SLC25A48: variants seen among roughly 807,000 people sequenced by gnomAD.
SLC25A48 encodes the protein solute carrier family 25 member 48.
Under a neutral mutation model 32.2 loss-of-function variants are expected in SLC25A48, and 29 were observed. The ratio of observed to expected loss-of-function variants is 0.90; its 90% CI spans 0.67 to 1.23. The LOEUF (loss-of-function observed/expected upper bound fraction) is 1.23, where lower values mean the gene tolerates loss of function less well. Ranked by LOEUF, SLC25A48 falls within the 50% of genes most tolerant of loss-of-function variation. The pLI, the probability that SLC25A48 is intolerant of heterozygous loss-of-function variation, is 0.00. For missense variants in SLC25A48, 399 were observed against 422.7 expected (o/e 0.94, Z 0.49); for synonymous variants, 164 against 172.3 (o/e 0.95, Z 0.38).
intron 3 of SLC25A48, among the ~76,000 whole-genome samples, chr5:135,709,250 C>T (rs1183062278): frequency 6.6e-6 from 1 of 152,222 alleles, no homozygotes; most frequent in Admixed American, 6.5e-5. Context: ...ACTGGCCTGC[C>T]TCTGGGAAGG....
intron 3 of SLC25A48, among the ~76,000 whole-genome samples, 158 bp downstream of exon 3, chr5:135,850,654 ATAT>A (rs2126731920): frequency 6.6e-6 from 1 of 152,268 alleles, no homozygotes; most frequent in East Asian, 1.9e-4. Context: ...CACACCTCAA[ATAT>A]TATGTGTTAC....
intron 1 of SLC25A48, among the ~76,000 whole-genome samples, chr5:135,619,014 C>A (rs116229772): frequency 0.017 from 2,580 of 151,888 alleles, 73 homozygotes; most frequent in African/African-American, 0.059. Context: ...ATCTGAACTT[C>A]CTGTATCTGG....
rs114362426 is a variant in SLC25A48 at position 135,628,502 on chromosome 5, G to T, written c.-848-735G>T. On this transcript the variant is annotated intron_variant, in intron 1 of 10. Coordinates refer to the SLC25A48 transcript ENST00000646290. ...GTTGGAGGAGAGAAGAACAGAAGAC[G>T]GGTGACATCAAGTTTGGGTTCCAGA... Among the ~76,000 whole-genome samples, 1,153 of 152,226 alleles carry T rather than the reference G, an allele frequency of 7.6e-3. 6 individuals are homozygous for T. The highest frequency in any genetic ancestry group is 0.011 in the Non-Finnish European group (767 of 68,008).
chr5:135,610,730 T>A (rs1752044749), intron 1 of SLC25A48, among the ~76,000 whole-genome samples: 1 of 152,194 alleles, frequency 6.6e-6, no homozygotes, highest in Non-Finnish European at 1.5e-5. Flanking sequence ...TGGAATCCTC[T>A]CCTCTCCAGA....
intron 2 of SLC25A48, among the ~76,000 whole-genome samples, chr5:135,848,015 G>T (rs1321323648): frequency 6.6e-6 from 1 of 152,162 alleles, no homozygotes; most frequent in African/African-American, 2.4e-5. Flanking sequence ...TTTATATGAT[G>T]GTCAGTATGC....
chr5:135,871,156 G>C (rs17688323), intron 4 of SLC25A48, among the ~76,000 whole-genome samples: 9,861 of 151,620 alleles, frequency 0.065, 414 homozygotes, highest in South Asian at 0.11. Context: ...AGTGTGGCTT[G>C]TCATAATTGA....
chr5:135,850,949 T>C (rs1411988006), intron 3 of SLC25A48, among the ~76,000 whole-genome samples: 1 of 152,184 alleles, frequency 6.6e-6, no homozygotes, highest in Admixed American at 6.5e-5. Context: ...AGGTATTCCT[T>C]TTCCGAAGGG....
In SLC25A48 at chr5:135,835,134, C is replaced by T. The variant is rs764365671; in HGVS notation, c.46+241C>T. On this transcript the variant is annotated intron_variant, in intron 1 of 7. Coordinates refer to ENST00000681962, the MANE Select transcript of SLC25A48 (RefSeq NM_001349336.2). ...TCTGATTTGCTCATTAAGTTAGGAT[C>T]CGTGGGACTTGATGAGGTAATGATT... is the stretch of plus-strand genomic sequence containing the variant. 19 of 697,644 alleles carry T rather than the reference C, an allele frequency of 2.7e-5. No individual in the cohort carries two copies. The African/African-American group carries it at 3.2e-4, about 12-fold the overall frequency. The allele number at this position is 697,644 out of a possible 1,614,324, so 43.2% of individuals were successfully genotyped here.
intron 3 of SLC25A48, among the ~76,000 whole-genome samples, chr5:135,793,491 C>G (rs981540505): frequency 1.3e-5 from 2 of 151,784 alleles, no homozygotes; most frequent in Non-Finnish European, 2.9e-5. Flanking sequence ...GTCCTAATAT[C>G]GCAGTAGGTG....
At chr5:135,701,444 A>T (rs2126966569) in intron 3 of SLC25A48, among the ~76,000 whole-genome samples, 1 of 152,234 alleles carries the variant, frequency 6.6e-6, no homozygotes, top group African/African-American at 2.4e-5. Flanking sequence ...ACATATTGGG[A>T]GCAGTATTTT....
chr5:135,611,580 C>G (rs959375284), intron 1 of SLC25A48, among the ~76,000 whole-genome samples: 2 of 142,670 alleles, frequency 1.4e-5, no homozygotes, highest in African/African-American at 5.3e-5. Flanking sequence ...GGTATGGTGG[C>G]ATGCACCAAT....
intron 6 of SLC25A48, among the ~76,000 whole-genome samples, chr5:135,879,764 G>A (rs1265039316): frequency 2.0e-5 from 3 of 152,162 alleles, no homozygotes; most frequent in Non-Finnish European, 4.4e-5. Flanking sequence ...GGTCTGGGAG[G>A]AAAAGCACCA....
intron 3 of SLC25A48, among the ~76,000 whole-genome samples, chr5:135,764,026 C>T (rs1431428224): frequency 1.3e-5 from 2 of 152,116 alleles, no homozygotes; most frequent in Non-Finnish European, 2.9e-5. Flanking sequence ...GATATTACTC[C>T]CCATATTTCG....
chr5:135,724,294 G>A (rs1354170081), intron 3 of SLC25A48, among the ~76,000 whole-genome samples: 2 of 152,232 alleles, frequency 1.3e-5, no homozygotes, highest in African/African-American at 2.4e-5. Flanking sequence ...AGGAAACTGA[G>A]GCTCAAGATG....
chr5:135,641,105 G>A (rs2126916629), intron 3 of SLC25A48, among the ~76,000 whole-genome samples: 1 of 152,234 alleles, frequency 6.6e-6, no homozygotes, highest in Admixed American at 6.5e-5. Flanking sequence ...AGAATCTACA[G>A]AAAAAAATAC....
intron 3 of SLC25A48, among the ~76,000 whole-genome samples, chr5:135,701,611 G>A (rs1754398156): frequency 6.6e-6 from 1 of 152,102 alleles, no homozygotes; most frequent in Admixed American, 6.5e-5. Flanking sequence ...ACTTTTAAAA[G>A]AGACAGGCCC....
intron 1 of SLC25A48, among the ~76,000 whole-genome samples, chr5:135,598,781 AT>A (rs35587086): frequency 0.4 from 61,316 of 152,012 alleles, 13,008 homozygotes; most frequent in African/African-American, 0.56. Flanking sequence ...ATTTAAATGC[AT>A]TAAAATTAGG....
intron 3 of SLC25A48, among the ~76,000 whole-genome samples, chr5:135,789,424 C>T (rs1756962304): frequency 6.6e-6 from 1 of 151,040 alleles, no homozygotes; most frequent in African/African-American, 2.4e-5. Flanking sequence ...GGGGTGTATA[C>T]CCCACTGCAA....
At chr5:135,819,834 A>G (rs1354919926) in intron 4 of SLC25A48, among the ~76,000 whole-genome samples, 1 of 152,212 alleles carries the variant, frequency 6.6e-6, no homozygotes, top group Non-Finnish European at 1.5e-5. Context: ...AGAAATGCTC[A>G]ACATCATTAG....
Sources: allele counts gnomAD v4.1 joint callset (sites outside exome capture counted in the v4.1 genomes callset), GRCh38; gene constraint gnomAD v4.1.1; transcripts MANE v1.5; gene names NCBI Gene and HGNC (gene_info 2026-07-23, HGNC 2026-07-21).